The following TRABD2B variants were observed in gnomAD, a reference collection of about 807,000 sequenced individuals.
TRABD2B encodes the protein metalloprotease TIKI2.
Under a neutral mutation model 40.1 loss-of-function variants are expected in TRABD2B, and 14 were observed. The observed-to-expected ratio is 0.35, with a 90% CI of 0.23 to 0.55. TRABD2B has a LOEUF of 0.55. Among genes scored for constraint, TRABD2B ranks in the 20% least tolerant of loss-of-function variants. The probability of loss-of-function intolerance (pLI) is 0.90; values close to 1 mark genes in which losing one functional copy is unlikely to be tolerated. For synonymous variants in TRABD2B, 263 were observed against 277.0 expected, an observed-to-expected ratio of 0.95 and a Z score of 0.50; for missense variants, 541 against 648.6, an observed-to-expected ratio of 0.83 and a Z score of 1.80.
At chr1:47,803,624 T>C (rs956606130) in intron 2 of TRABD2B, among the ~76,000 whole-genome samples, 1 of 152,224 alleles carries the variant, frequency 6.6e-6, no homozygotes, top group Non-Finnish European at 1.5e-5. Flanking sequence ...ATAGTTGTGG[T>C]GATAGATACA....
chr1:47,882,093 G>A (rs1248674081), intron 2 of TRABD2B, among the ~76,000 whole-genome samples: 1 of 152,260 alleles, frequency 6.6e-6, no homozygotes, highest in Non-Finnish European at 1.5e-5. Flanking sequence ...CAGCAAGCAG[G>A]CAGGCAGGCT....
chr1:47,904,312 T>A (rs1644646251), intron 2 of TRABD2B, among the ~76,000 whole-genome samples: 1 of 150,894 alleles, frequency 6.6e-6, no homozygotes, highest in Non-Finnish European at 1.5e-5. Flanking sequence ...AAGCACAGAG[T>A]GTGGTGGAGG....
At chr1:47,956,431 G>A (rs921461991) in intron 2 of TRABD2B, among the ~76,000 whole-genome samples, 18 of 152,340 alleles carry the variant, frequency 1.2e-4, no homozygotes, top group African/African-American at 4.3e-4. Context: ...GGAAACTCAA[G>A]GGGTCGGGGA....
At chr1:47,971,450 C>T (rs978619020) in intron 2 of TRABD2B, among the ~76,000 whole-genome samples, 2 of 152,154 alleles carry the variant, frequency 1.3e-5, no homozygotes, top group Non-Finnish European at 2.9e-5. Flanking sequence ...ATCTCTCTCG[C>T]CAATCTGAAT....
chr1:47,834,596 C>CAG (rs1235675995), intron 2 of TRABD2B, among the ~76,000 whole-genome samples: 2 of 152,106 alleles, frequency 1.3e-5, no homozygotes, highest in African/African-American at 2.4e-5. Flanking sequence ...CACACACACA[C>CAG]ACACACAGAG....
intron 2 of TRABD2B, among the ~76,000 whole-genome samples, chr1:47,830,738 T>C (rs1438275383): frequency 6.6e-6 from 1 of 152,232 alleles, no homozygotes; most frequent in Non-Finnish European, 1.5e-5. Context: ...GCCTGCATTA[T>C]TGTTGGCACT....
At chr1:47,923,980 T>C (rs1644938830) in intron 2 of TRABD2B, among the ~76,000 whole-genome samples, 1 of 145,106 alleles carries the variant, frequency 6.9e-6, no homozygotes, top group South Asian at 2.3e-4. Flanking sequence ...ATCCTATTAG[T>C]TCTGTTTCTC....
intron 2 of TRABD2B, among the ~76,000 whole-genome samples, chr1:47,886,095 C>T (rs72898112): frequency 6.6e-6 from 1 of 152,122 alleles, no homozygotes; most frequent in Admixed American, 6.5e-5. Flanking sequence ...TTCCTTCATG[C>T]CAAGGATTCA....
chr1:47,966,008 C>G (rs1645596907), intron 2 of TRABD2B, among the ~76,000 whole-genome samples: 1 of 152,198 alleles, frequency 6.6e-6, no homozygotes, highest in South Asian at 2.1e-4. Context: ...CACTCCACAT[C>G]ACAGCCATAT....
At chr1:47,886,735 C>A (rs1644375853) in intron 2 of TRABD2B, among the ~76,000 whole-genome samples, 1 of 152,170 alleles carries the variant, frequency 6.6e-6, no homozygotes. Context: ...GTGTTAGGGG[C>A]TAGGGACAAA....
intron 6 of TRABD2B, among the ~76,000 whole-genome samples, chr1:47,770,363 T>C (rs963453351): frequency 2.0e-5 from 3 of 152,170 alleles, no homozygotes; most frequent in African/African-American, 7.2e-5. Flanking sequence ...TCTAGGACTT[T>C]GTGATATCTA....
At chr1:47,864,490 G>C (rs1475038596) in intron 2 of TRABD2B, among the ~76,000 whole-genome samples, 3 of 151,890 alleles carry the variant, frequency 2.0e-5, no homozygotes, top group East Asian at 3.9e-4. Context: ...CTTACAAAAA[G>C]GTCAATAGTG....
At chr1:47,937,767 C>T (rs1400528179) in intron 2 of TRABD2B, among the ~76,000 whole-genome samples, 3 of 152,186 alleles carry the variant, frequency 2.0e-5, no homozygotes, top group Non-Finnish European at 4.4e-5. Flanking sequence ...GCCAATCATT[C>T]TGCCTCCTGC....
chr1:47,869,748 G>A (rs1644114857), intron 2 of TRABD2B, among the ~76,000 whole-genome samples: 2 of 152,200 alleles, frequency 1.3e-5, no homozygotes, highest in Admixed American at 1.3e-4. Flanking sequence ...TTTGAGCACA[G>A]GAGAGCTGAA....
chr1:47,799,641 A>G (rs1644792376), intron 3 of TRABD2B, among the ~76,000 whole-genome samples: 1 of 152,064 alleles, frequency 6.6e-6, no homozygotes, highest in South Asian at 2.1e-4. Context: ...TGTGGGGGCA[A>G]GTACTGATGG....
intron 3 of TRABD2B, among the ~76,000 whole-genome samples, chr1:47,798,447 C>G (rs1467895015): frequency 6.6e-6 from 1 of 152,226 alleles, no homozygotes; most frequent in Non-Finnish European, 1.5e-5. Flanking sequence ...TTGCTAGGCA[C>G]AGACAGTGCC....
In TRABD2B at chr1:47,996,679, C is replaced by T; in HGVS notation, c.102+9G>A. The T allele has an allele frequency of 8.1e-7, 1 of 1,229,212 alleles. No individual in the cohort carries two copies. Among genetic ancestry groups the T allele is most frequent in the Non-Finnish European group, 1.0e-6 (1 of 985,200 alleles). The allele number at this position is 1,229,212 out of a possible 1,614,324, so 76.1% of individuals were successfully genotyped here. ...AGGCGGGAGAGTGGCCGGGCAGGCG[C>T]TCGCTCACCGATCCGGGCGGCCGGC... On this transcript the variant is annotated intron_variant, in intron 1 of 6. Coordinates refer to ENST00000606738, the MANE Select transcript of TRABD2B (RefSeq NM_001194986.2). This position sits in a 1 kb window ranked among gnomAD's most constrained non-coding sequence, Gnocchi z 4.6.
intron 2 of TRABD2B, among the ~76,000 whole-genome samples, chr1:47,896,090 C>T (rs76820922): frequency 0.023 from 3,556 of 152,324 alleles, 106 homozygotes; most frequent in Admixed American, 0.09. Context: ...CTGTCAAGTG[C>T]GATCTCTCCT....
At chr1:47,970,471 ATCTATGT>A (rs1645665326) in intron 2 of TRABD2B, among the ~76,000 whole-genome samples, 1 of 151,986 alleles carries the variant, frequency 6.6e-6, no homozygotes, top group South Asian at 2.1e-4. Context: ...TCTAGCTGAA[ATCTATGT>A]TCCCATTTTC....
Sources: allele counts gnomAD v4.1 joint callset (sites outside exome capture counted in the v4.1 genomes callset), GRCh38; gene constraint gnomAD v4.1.1; non-coding constraint Gnocchi (gnomAD v3.1); transcripts MANE v1.5; gene names NCBI Gene and HGNC (gene_info 2026-07-23, HGNC 2026-07-21).